Variants in ADIPOR2 observed in about 807,000 individuals in gnomAD.
ADIPOR2 encodes the protein adiponectin receptor 2.
ADIPOR2 carries 18 observed loss-of-function variants against 40.9 expected under a neutral mutation model. The ratio of observed to expected loss-of-function variants is 0.44; its 90% CI spans 0.30 to 0.65. The LOEUF (loss-of-function observed/expected upper bound fraction) is 0.65, where lower values mean the gene tolerates loss of function less well. ADIPOR2 is among the 30% of genes least tolerant of loss of function. The pLI is 0.09. For synonymous variants in ADIPOR2, 165 were observed against 166.4 expected (o/e 0.99, Z 0.06); for missense variants, 283 against 479.2 (o/e 0.59, Z 3.82).
chr12:1,756,908 A>ATG (rs775416222), intron 2 of ADIPOR2, among the ~76,000 whole-genome samples: 4 of 152,156 alleles, frequency 2.6e-5, no homozygotes. Context: ...CTGAACTGAA[A>ATG]TGGTAAAGCA....
chr12:1,718,011 T>C (rs1203822429), intron 1 of ADIPOR2, among the ~76,000 whole-genome samples: 1 of 152,176 alleles, frequency 6.6e-6, no homozygotes, highest in East Asian at 1.9e-4. Flanking sequence ...ATAGTCAATA[T>C]ATAGATTATA....
intron 3 of ADIPOR2, among the ~76,000 whole-genome samples, chr12:1,777,128 A>G (rs530703644): frequency 2.0e-4 from 30 of 152,276 alleles, no homozygotes; most frequent in East Asian, 1.2e-3. Flanking sequence ...GTATGATTCT[A>G]TGTAATTCTG....
intron 1 of ADIPOR2, among the ~76,000 whole-genome samples, chr12:1,733,550 G>A (rs11061954): frequency 0.044 from 6,755 of 152,044 alleles, 249 homozygotes; most frequent in East Asian, 0.18. Flanking sequence ...GGTATCTTTT[G>A]AATACATACA....
At chr12:1,707,447 T>C (rs11061937) in intron 1 of ADIPOR2, among the ~76,000 whole-genome samples, 48,019 of 151,390 alleles carry the variant, frequency 0.32, 8,259 homozygotes, top group East Asian at 0.5. Flanking sequence ...TATCTTATTG[T>C]GGTTTTTATT....
intron 2 of ADIPOR2, among the ~76,000 whole-genome samples, chr12:1,764,261 T>C (rs1645892993): frequency 1.3e-5 from 2 of 152,048 alleles, no homozygotes; most frequent in African/African-American, 2.4e-5. Context: ...AAAAAATGAG[T>C]GAGGGTCATA....
At chr12:1,771,508 A>AGGAT in intron 2 of ADIPOR2, among the ~76,000 whole-genome samples, 1 of 152,306 alleles carries the variant, frequency 6.6e-6, no homozygotes. Flanking sequence ...TAGTCATTGA[A>AGGAT]GGATAGATGG....
At chr12:1,729,617 G>GTTTTTTTTT (rs56921758) in intron 1 of ADIPOR2, among the ~76,000 whole-genome samples, 40 of 88,940 alleles carry the variant, frequency 4.5e-4, no homozygotes, top group East Asian at 1.4e-3. Flanking sequence ...TCAGCCAGTT[G>GTTTTTTTTT]TTTTTTTTTT....
chr12:1,771,432 A>G (rs1592626832), intron 2 of ADIPOR2, among the ~76,000 whole-genome samples: 1 of 152,080 alleles, frequency 6.6e-6, no homozygotes, highest in Non-Finnish European at 1.5e-5. Context: ...GGTAGCAGTA[A>G]TGAAAGGTTG....
intron 1 of ADIPOR2, chr12:1,696,420 G>A (rs1323551616): frequency 7.0e-6 from 1 of 143,044 alleles, no homozygotes; most frequent in Admixed American, 7.0e-5. Flanking sequence ...TTTGGTTACA[G>A]CGTCTTACTC....
intron 1 of ADIPOR2, among the ~76,000 whole-genome samples, chr12:1,732,861 A>G (rs2094723192): frequency 6.6e-6 from 1 of 152,156 alleles, no homozygotes; most frequent in Non-Finnish European, 1.5e-5. Context: ...TCTGTTACTC[A>G]TTAATTGCTT....
At chr12:1,749,831 A>C (rs61504210) in intron 1 of ADIPOR2, among the ~76,000 whole-genome samples, 2 of 121,906 alleles carry the variant, frequency 1.6e-5, no homozygotes, top group Non-Finnish European at 3.3e-5. Context: ...CTATTTGTTT[A>C]GTTTTTTTTT....
intron 1 of ADIPOR2, among the ~76,000 whole-genome samples, chr12:1,732,441 G>T (rs997859286): frequency 3.3e-4 from 50 of 152,200 alleles, no homozygotes; most frequent in African/African-American, 1.2e-3. Context: ...TCTTTCCATT[G>T]GCAATATACA....
At chr12:1,748,592 G>A (rs893685282) in intron 1 of ADIPOR2, among the ~76,000 whole-genome samples, 7 of 151,804 alleles carry the variant, frequency 4.6e-5, no homozygotes, top group Non-Finnish European at 1.0e-4. Context: ...GTTAATTTTT[G>A]TATGAAGTGT....
intron 1 of ADIPOR2, among the ~76,000 whole-genome samples, chr12:1,739,729 C>T (rs1210260288): frequency 6.6e-6 from 1 of 152,172 alleles, no homozygotes; most frequent in Non-Finnish European, 1.5e-5. Flanking sequence ...GTTGAGCCTT[C>T]TTTAGAGTGT....
intron 3 of ADIPOR2, among the ~76,000 whole-genome samples, chr12:1,777,392 T>C (rs1215491773): frequency 4.1e-5 from 6 of 146,534 alleles, no homozygotes; most frequent in African/African-American, 5.0e-5. Context: ...CTTTTTTTTT[T>C]TTTTTTTTTT....
chr12:1,692,061 C>T (rs879228924), intron 1 of ADIPOR2, among the ~76,000 whole-genome samples: 3 of 147,500 alleles, frequency 2.0e-5, no homozygotes, highest in Admixed American at 1.4e-4. Flanking sequence ...TGGTTATTGT[C>T]CCCCATTTCT....
chr12:1,781,090 G>C lies in ADIPOR2; in HGVS notation c.838+14G>C, dbSNP rs1565659516. Reference sequence around the variant, plus strand: ...GAGTAAGAGCAGGTAAGAGCACGGGGAGGTTCTACATTCGACATTCATTTA... The same window carrying C: ...GAGTAAGAGCAGGTAAGAGCACGGGCAGGTTCTACATTCGACATTCATTTA... On this transcript the variant is annotated intron_variant, in intron 6 of 7. Transcript: ENST00000357103. 6.4e-7 allele frequency: 1 copy of C among 1,560,398 alleles called. No individual in the cohort carries two copies. The highest frequency in any genetic ancestry group is 8.6e-7 in the Non-Finnish European group (1 of 1,156,496).
intron 1 of ADIPOR2, among the ~76,000 whole-genome samples, chr12:1,728,353 G>T (rs184128508): frequency 4.2e-4 from 63 of 151,466 alleles, no homozygotes; most frequent in African/African-American, 1.5e-3. Flanking sequence ...CCTCAAATCC[G>T]CCCACCTCAG....
chr12:1,730,422 C>G (rs1305458404), intron 1 of ADIPOR2, among the ~76,000 whole-genome samples: 1 of 150,958 alleles, frequency 6.6e-6, no homozygotes, highest in African/African-American at 2.4e-5. Context: ...TCGAGACCAT[C>G]CTGACTAACA....
Sources: gnomAD v4.1 joint callset for allele counts (sites outside exome capture counted in the v4.1 genomes callset) on GRCh38, gnomAD v4.1.1 for gene constraint, MANE v1.5 for transcripts, NCBI Gene and HGNC (gene_info 2026-07-23, HGNC 2026-07-21) for gene names.